MACF1: variants seen among roughly 807,000 people sequenced by gnomAD.
MACF1 encodes the protein microtubule-actin cross-linking factor 1.
In MACF1, 193 loss-of-function variants were observed where a neutral mutation model predicts 854.8. That is an observed-to-expected ratio of 0.23 (90% CI 0.20 to 0.25). The LOEUF (loss-of-function observed/expected upper bound fraction) is 0.25. MACF1 is among the 10% of genes least tolerant of loss of function. MACF1 has a pLI of 1.00. For missense variants in MACF1, 7,722 were observed against 8,929.1 expected, an observed-to-expected ratio of 0.86 and a Z score of 5.45; for synonymous variants, 3,185 against 3,226.7, an observed-to-expected ratio of 0.99 and a Z score of 0.44.
rs1237090334 is a variant in MACF1, at chr1:39,428,008, A to T, written c.16524A>T (p.Ala5508=). The change falls in exon 63 of 101, where the codon GCA becomes GCT. Residue 5508 remains alanine, a synonymous_variant. Transcript: ENST00000564288. ...IENHATDVHQ[A]VKIGQSLSSL... is the part of the protein sequence containing the mutation. ...ACCATGCAACAGATGTGCACCAGGC[A>T]GTCAAAATTGGGCAGTCCCTCTCCT... is the stretch of plus-strand genomic sequence containing the variant. 9.9e-6 allele frequency: 16 copies of T among 1,614,098 alleles called. No individual in the cohort carries two copies. Among genetic ancestry groups the T allele is most frequent in the Middle Eastern group, 1.6e-4 (1 of 6,084 alleles).
At chr1:39,336,976 T>C (rs932153541) in intron 37 of MACF1, among the ~76,000 whole-genome samples, 7 of 152,270 alleles carry the variant, frequency 4.6e-5, no homozygotes, top group Non-Finnish European at 7.3e-5. Context: ...TGTAGATTGA[T>C]AGCTCTGAGC....
intron 2 of MACF1, among the ~76,000 whole-genome samples, chr1:39,086,971 C>G (rs1641688229): frequency 6.6e-6 from 1 of 152,134 alleles, no homozygotes; most frequent in Non-Finnish European, 1.5e-5. Flanking sequence ...GTTTCTTTAG[C>G]AGGAGAGGAG....
chr1:39,442,083 G>T, intron 75 of MACF1, 30 bp downstream of exon 75: 2 of 1,596,762 alleles, frequency 1.3e-6, no homozygotes, highest in South Asian at 1.1e-5. Context: ...TTTTGAAGAA[G>T]AATTGTTTTA....
At chr1:39,453,873 G>T in intron 88 of MACF1, 23 bp downstream of exon 88, 1 of 1,613,784 alleles carries the variant, frequency 6.2e-7, no homozygotes, top group South Asian at 1.1e-5. Context: ...TTCAGAGGAG[G>T]ACTGCACACG....
chr1:39,119,761 AT>A (rs1445158109), intron 2 of MACF1, among the ~76,000 whole-genome samples: 2 of 152,096 alleles, frequency 1.3e-5, no homozygotes, highest in African/African-American at 4.8e-5. Flanking sequence ...CAGTGGAGAA[AT>A]TCTAAATACT....
intron 95 of MACF1, among the ~76,000 whole-genome samples, chr1:39,467,297 G>A (rs1422421236): frequency 6.6e-6 from 1 of 152,092 alleles, no homozygotes; most frequent in Non-Finnish European, 1.5e-5. Flanking sequence ...CCCAGGAGGC[G>A]GAGCTTGCAA....
rs776816326 is a variant in MACF1 at position 39,453,775 on chromosome 1, C to T, written c.20811C>T (p.Ile6937=). 1.2e-5 allele frequency: 20 copies of T among 1,614,040 alleles called. No individual in the cohort carries two copies. The East Asian group carries it at 4.0e-4, about 32-fold the overall frequency. The change falls in exon 88 of 101, where the codon ATC becomes ATT. Residue 6937 remains isoleucine, a synonymous_variant. Transcript: ENST00000564288. Reference sequence around the variant, plus strand: ...CAGCAGTAGCCATGGGAGAAGTCATCCTGGCTGTCTGCCACCCCGATTGCA... The same window carrying T: ...CAGCAGTAGCCATGGGAGAAGTCATTCTGGCTGTCTGCCACCCCGATTGCA... ...VNSAVAMGEV[I]LAVCHPDCIT... is the part of the protein sequence containing the mutation.
At chr1:39,234,784 T>C (rs1279948474) in intron 2 of MACF1, among the ~76,000 whole-genome samples, 3 of 98,232 alleles carry the variant, frequency 3.1e-5, no homozygotes, top group East Asian at 3.4e-4. Context: ...TCCTCACTTC[T>C]CAGACGGGGC....
chr1:39,124,255 G>GT (rs1441172664), intron 2 of MACF1, among the ~76,000 whole-genome samples: 2 of 152,098 alleles, frequency 1.3e-5, no homozygotes, highest in South Asian at 4.1e-4. Context: ...TGATTAGGTG[G>GT]TTAGTGCAAG....
chr1:39,236,655 T>G (rs1291314972), intron 2 of MACF1, among the ~76,000 whole-genome samples: 1 of 152,102 alleles, frequency 6.6e-6, no homozygotes, highest in Non-Finnish European at 1.5e-5. Context: ...AGAAAAGAAA[T>G]TGTAATTTCC....
At chr1:39,101,846 G>C (rs1642086696) in intron 2 of MACF1, among the ~76,000 whole-genome samples, 1 of 138,416 alleles carries the variant, frequency 7.2e-6, no homozygotes, top group South Asian at 2.7e-4. Flanking sequence ...AGGAAAGAAA[G>C]AAAGGGAGGG....
At chr1:39,282,574 C>T (rs1645567624) in intron 7 of MACF1, among the ~76,000 whole-genome samples, 200 bp downstream of exon 7, 1 of 152,204 alleles carries the variant, frequency 6.6e-6, no homozygotes, top group Admixed American at 6.5e-5. Flanking sequence ...AAAGTTCTTG[C>T]TCTCATGGAA....
At chr1:39,138,702 T>C (rs1193075691) in intron 2 of MACF1, among the ~76,000 whole-genome samples, 1 of 151,986 alleles carries the variant, frequency 6.6e-6, no homozygotes, top group Non-Finnish European at 1.5e-5. Flanking sequence ...TCTTGCTCTG[T>C]CACCCACGCT....
chr1:39,119,453 G>A (rs1473670738), intron 2 of MACF1, among the ~76,000 whole-genome samples: 1 of 151,408 alleles, frequency 6.6e-6, no homozygotes, highest in Non-Finnish European at 1.5e-5. Flanking sequence ...CTTTTTGTGT[G>A]TATTTGTTTG....
chr1:39,410,645 A>G (rs760046753), intron 58 of MACF1: 7 of 1,613,838 alleles, frequency 4.3e-6, no homozygotes, highest in Non-Finnish European at 4.2e-6. Flanking sequence ...CGCAAAGACA[A>G]TGTTAACAGG....
chr1:39,324,712 T>A lies in MACF1; in HGVS notation c.4456T>A (p.Phe1486Ile), dbSNP rs776366517. ...VSEAIKTSQI[F>I]LAKHGHKLSE... ...TGAAGCTATTAAAACATCACAGATCTTCTTGGCCAAGCATGGTCATAAGTG... is the reference window on the plus strand; with the variant it reads ...TGAAGCTATTAAAACATCACAGATCATCTTGGCCAAGCATGGTCATAAGTG... Residue 1486 changes from phenylalanine (F) to isoleucine (I), a missense_variant, in exon 35 of 101, where the codon TTC becomes ATC. By Grantham distance (21) the Phe-to-Ile change is conservative. Transcript: ENST00000564288. 9 of 1,613,632 alleles carry A rather than the reference T, an allele frequency of 5.6e-6. No individual in the cohort carries two copies. In the East Asian group the frequency reaches 2.0e-4, roughly 36 times the overall value.
At chr1:39,363,174 G>A (rs1380005853) in intron 49 of MACF1, among the ~76,000 whole-genome samples, 3 of 151,990 alleles carry the variant, frequency 2.0e-5, no homozygotes, top group Non-Finnish European at 4.4e-5. Context: ...GTTTCTATTT[G>A]TATTCAACTT....
Position 39,198,175 on chromosome 1 carries a change from A to T in MACF1, c.221-33007A>T, listed in dbSNP as rs538385192. 2.0e-5 allele frequency among the ~76,000 whole-genome samples: 3 copies of T among 152,216 alleles called. No individual in the cohort carries two copies. The South Asian group carries it at 6.2e-4, about 32-fold the overall frequency. On this transcript the variant is annotated intron_variant, in intron 2 of 93. Coordinates refer to the MACF1 transcript ENST00000361689. ...ATTGTGCCACTGCATTCCAGCTTGG[A>T]CTACAGAGTAAGACCCTGTCTCAAG...
At chr1:39,361,312 T>C (rs1221065457) in intron 48 of MACF1, 48 bp from the exon 49 acceptor site, 1 of 1,570,870 alleles carries the variant, frequency 6.4e-7, no homozygotes, top group African/African-American at 1.4e-5. Flanking sequence ...GGCTCAGATG[T>C]CCTGGAATAA....
Sources: gnomAD v4.1 joint callset for allele counts (sites outside exome capture counted in the v4.1 genomes callset) on GRCh38, gnomAD v4.1.1 for gene constraint, MANE v1.5 for transcripts, NCBI Gene and HGNC (gene_info 2026-07-23, HGNC 2026-07-21) for gene names.